The following NELL2 variants were observed in gnomAD, a reference collection of about 807,000 sequenced individuals.
NELL2 encodes the protein neural EGFL like 2, also known as protein kinase C-binding protein NELL2.
A neutral mutation model predicts 109.6 loss-of-function variants in NELL2; 41 were observed. The ratio of observed to expected loss-of-function variants is 0.37; its 90% CI spans 0.29 to 0.49. The LOEUF (loss-of-function observed/expected upper bound fraction) is 0.49. NELL2 is among the 20% of genes least tolerant of loss of function. The pLI is 0.98. For synonymous variants in NELL2, 355 were observed against 344.7 expected (o/e 1.03, Z -0.33); for missense variants, 900 against 1,008.3 (o/e 0.89, Z 1.45).
At chr12:44,603,113 C>T (rs1945278998) in intron 15 of NELL2, among the ~76,000 whole-genome samples, 1 of 151,970 alleles carries the variant, frequency 6.6e-6, no homozygotes, top group Non-Finnish European at 1.5e-5. Context: ...CTTAGGGGTG[C>T]AACTTAAATT....
intron 9 of NELL2, among the ~76,000 whole-genome samples, chr12:44,729,095 C>T (rs1939229582): frequency 6.6e-6 from 1 of 151,898 alleles, no homozygotes; most frequent in Non-Finnish European, 1.5e-5. Flanking sequence ...TATAATACTC[C>T]AACAGTGGTG....
intron 1 of NELL2, among the ~76,000 whole-genome samples, chr12:44,910,988 G>A (rs1945773592): frequency 6.6e-6 from 1 of 151,866 alleles, no homozygotes; most frequent in Non-Finnish European, 1.5e-5. Flanking sequence ...AATAGACACT[G>A]GAGACGACTA....
intron 9 of NELL2, among the ~76,000 whole-genome samples, chr12:44,739,903 AAC>A (rs1566277475): frequency 1.3e-5 from 2 of 152,110 alleles, no homozygotes; most frequent in African/African-American, 4.8e-5. Context: ...ACACAACAAC[AAC>A]AAAAAAAACA....
chr12:44,563,285 C>T (rs1943537891), intron 15 of NELL2, among the ~76,000 whole-genome samples: 1 of 151,528 alleles, frequency 6.6e-6, no homozygotes. Context: ...GCACATTCTG[C>T]CCATGTATCC....
intron 13 of NELL2, among the ~76,000 whole-genome samples, chr12:44,663,099 A>G (rs974822197): frequency 6.6e-6 from 1 of 152,222 alleles, no homozygotes; most frequent in African/African-American, 2.4e-5. Flanking sequence ...TTTGGTCACA[A>G]GGCAAAGTCC....
intron 9 of NELL2, among the ~76,000 whole-genome samples, chr12:44,739,308 G>GA (rs1158392528): frequency 2.0e-5 from 3 of 151,774 alleles, no homozygotes; most frequent in South Asian, 4.2e-4. Context: ...TAGTTTCAGA[G>GA]AAAAAAAATT....
At chr12:44,641,288 C>T (rs1356046927) in intron 13 of NELL2, among the ~76,000 whole-genome samples, 1 of 152,068 alleles carries the variant, frequency 6.6e-6, no homozygotes, top group African/African-American at 2.4e-5. Context: ...TTTCCCTCAG[C>T]TTATTATTAA....
At chr12:44,610,392 G>C (rs1945574142) in intron 14 of NELL2, among the ~76,000 whole-genome samples, 1 of 151,974 alleles carries the variant, frequency 6.6e-6, no homozygotes, top group Non-Finnish European at 1.5e-5. Context: ...TCTGAAGCTG[G>C]GAGAGTGCTA....
chr12:44,701,958 G>A (rs1332845947), intron 12 of NELL2, among the ~76,000 whole-genome samples: 2 of 152,000 alleles, frequency 1.3e-5, no homozygotes, highest in Non-Finnish European at 2.9e-5. Flanking sequence ...TCCTTCTTTT[G>A]TCCGCTCCAC....
rs377368706 is a variant in NELL2, at chr12:44,566,566, C to CACACACAG, written c.1664-33846_1664-33845insCTGTGTGT. Reference sequence around the variant, plus strand: ...ACACACACACACACACACACACACACAGAGTTTTATGAATAGCAATAGGAG... The same window carrying CACACACAG: ...ACACACACACACACACACACACACACACACACAGAGAGTTTTATGAATAGCAATAGGAG... On this transcript the variant is annotated intron_variant, in intron 15 of 19. Coordinates refer to ENST00000429094, the MANE Select transcript of NELL2 (RefSeq NM_001145108.2). Among the ~76,000 whole-genome samples the CACACACAG allele has an allele frequency of 9.4e-3, 1,299 of 138,466 alleles. 19 individuals are homozygous for CACACACAG. Among genetic ancestry groups the CACACACAG allele is most frequent in the African/African-American group, 0.03 (1,160 of 38,714 alleles). The allele number at this position is 138,466 out of a possible 152,430, so 90.8% of individuals were successfully genotyped here.
intron 15 of NELL2, among the ~76,000 whole-genome samples, chr12:44,553,243 C>T (rs984108643): frequency 2.1e-5 from 3 of 143,444 alleles, no homozygotes; most frequent in Non-Finnish European, 4.5e-5. Context: ...ACAATGTGCA[C>T]ATGTACCCTA....
intron 15 of NELL2, among the ~76,000 whole-genome samples, chr12:44,582,691 T>TA (rs1483997906): frequency 6.6e-6 from 1 of 151,786 alleles, no homozygotes; most frequent in East Asian, 1.9e-4. Context: ...GTCACTAAGG[T>TA]AGAATGAAGG....
intron 11 of NELL2, among the ~76,000 whole-genome samples, chr12:44,710,634 T>C (rs1029756104): frequency 3.9e-5 from 6 of 152,290 alleles, no homozygotes; most frequent in African/African-American, 1.4e-4. Context: ...TGATGGAAAT[T>C]CACTGCCTTC....
chr12:44,613,943 T>A (rs1244614993), intron 13 of NELL2, among the ~76,000 whole-genome samples: 1 of 151,994 alleles, frequency 6.6e-6, no homozygotes, highest in Non-Finnish European at 1.5e-5. Flanking sequence ...ATACTTCCAA[T>A]ATATAGTAAG....
chr12:44,592,505 A>G (rs1473006716), intron 15 of NELL2, among the ~76,000 whole-genome samples: 1 of 152,194 alleles, frequency 6.6e-6, no homozygotes, highest in Non-Finnish European at 1.5e-5. Context: ...ATAGACAGAC[A>G]CAGAACAAGA....
At chr12:44,527,029 A>T (rs970034973) in intron 16 of NELL2, among the ~76,000 whole-genome samples, 1 of 152,226 alleles carries the variant, frequency 6.6e-6, no homozygotes, top group Non-Finnish European at 1.5e-5. Flanking sequence ...TAATCTCATC[A>T]TACTTAGCAA....
At chr12:44,739,339 G>C (rs1939818660) in intron 9 of NELL2, among the ~76,000 whole-genome samples, 1 of 152,086 alleles carries the variant, frequency 6.6e-6, no homozygotes, top group Non-Finnish European at 1.5e-5. Flanking sequence ...CATCTAAATG[G>C]TATGAAATGT....
At chr12:44,582,054 C>G (rs1358186364) in intron 15 of NELL2, among the ~76,000 whole-genome samples, 1 of 152,056 alleles carries the variant, frequency 6.6e-6, no homozygotes, top group African/African-American at 2.4e-5. Context: ...TAATTACTTC[C>G]TTTCATTTAA....
chr12:44,543,396 C>T (rs1438235010), intron 15 of NELL2, among the ~76,000 whole-genome samples: 1 of 152,144 alleles, frequency 6.6e-6, no homozygotes, highest in Non-Finnish European at 1.5e-5. Flanking sequence ...ATCACTATCT[C>T]CCTGATTCCA....
Sources: allele counts gnomAD v4.1 joint callset (sites outside exome capture counted in the v4.1 genomes callset), GRCh38; gene constraint gnomAD v4.1.1; transcripts MANE v1.5; gene names NCBI Gene and HGNC (gene_info 2026-07-23, HGNC 2026-07-21).